Variants in LMOD1 observed in about 807,000 individuals in gnomAD.
LMOD1 encodes leiomodin-1.
Under a neutral mutation model 36.5 loss-of-function variants are expected in LMOD1, and 8 were observed. The observed-to-expected ratio is 0.22, with a 90% CI of 0.13 to 0.40. LMOD1 has a LOEUF of 0.40. LMOD1 is among the 10% of genes least tolerant of loss of function. The probability of loss-of-function intolerance (pLI) is 1.00; values close to 1 mark genes in which losing one functional copy is unlikely to be tolerated. For synonymous variants in LMOD1, 284 were observed against 288.7 expected, an observed-to-expected ratio of 0.98 and a Z score of 0.17; for missense variants, 630 against 751.1, an observed-to-expected ratio of 0.84 and a Z score of 1.88.
intron 1 of LMOD1, among the ~76,000 whole-genome samples, chr1:201,930,621 AG>A (rs1372382316): frequency 6.6e-6 from 1 of 152,218 alleles, no homozygotes; most frequent in Non-Finnish European, 1.5e-5. Context: ...GAGGTGTCCA[AG>A]AGACAACTGA....
intron 1 of LMOD1, among the ~76,000 whole-genome samples, chr1:201,925,885 T>C (rs12063632): frequency 0.21 from 31,601 of 151,644 alleles, 3,742 homozygotes; most frequent in East Asian, 0.43. Flanking sequence ...TTAAATTCTT[T>C]TGGAGAGACT....
chr1:201,934,372 C>G (rs561966844), intron 1 of LMOD1, among the ~76,000 whole-genome samples: 1 of 152,162 alleles, frequency 6.6e-6, no homozygotes, highest in Non-Finnish European at 1.5e-5. Context: ...CACTTATCAA[C>G]CTGGCTGTAT....
chr1:201,931,297 G>A (rs1179691099), intron 1 of LMOD1, among the ~76,000 whole-genome samples: 27 of 152,232 alleles, frequency 1.8e-4, no homozygotes, highest in Non-Finnish European at 2.9e-5. Context: ...CACTTCGGGA[G>A]GCCAAGACAG....
At chr1:201,901,550 A>T (rs1261429303) in intron 1 of LMOD1, among the ~76,000 whole-genome samples, 1 of 48,494 alleles carries the variant, frequency 2.1e-5, no homozygotes, top group East Asian at 6.0e-4. Flanking sequence ...ATATATATAT[A>T]TACATATATA....
chr1:201,942,936 A>G lies in LMOD1; in HGVS notation c.261+3144T>C, dbSNP rs557981836. 3.8e-4 allele frequency among the ~76,000 whole-genome samples: 58 copies of G among 152,348 alleles called. No homozygotes were observed. The South Asian group carries it at 5.6e-3, about 15-fold the overall frequency. ...TAAAAAGTATATCTGCAATGCCATT[A>G]TCACACCTAAAAGAAATTAATAGAA... On this transcript the variant is annotated intron_variant, in intron 1 of 2. Coordinates refer to ENST00000367288, the MANE Select transcript of LMOD1 (RefSeq NM_012134.3).
chr1:201,903,196 C>T (rs368614506), intron 1 of LMOD1, among the ~76,000 whole-genome samples: 4 of 152,346 alleles, frequency 2.6e-5, no homozygotes, highest in Middle Eastern at 6.8e-3. Flanking sequence ...TGTACCTGCA[C>T]CACAAACACA....
At chr1:201,909,328 C>T (rs2102913594) in intron 1 of LMOD1, among the ~76,000 whole-genome samples, 1 of 152,376 alleles carries the variant, frequency 6.6e-6, no homozygotes, top group Middle Eastern at 3.4e-3. Context: ...ATGGCCACCC[C>T]TTCCATCCAG....
chr1:201,929,703 G>C (rs1043942104), intron 1 of LMOD1, among the ~76,000 whole-genome samples: 1 of 152,194 alleles, frequency 6.6e-6, no homozygotes, highest in South Asian at 2.1e-4. Context: ...AACTGCCTTT[G>C]TAAATTCCTC....
chr1:201,921,548 G>A (rs1408243577), intron 1 of LMOD1, among the ~76,000 whole-genome samples: 1 of 150,756 alleles, frequency 6.6e-6, no homozygotes, highest in African/African-American at 2.4e-5. Context: ...AGGCTTGACA[G>A]GTAGGTTTGG....
At chr1:201,943,508 T>C (rs1682154994) in intron 1 of LMOD1, among the ~76,000 whole-genome samples, 1 of 152,196 alleles carries the variant, frequency 6.6e-6, no homozygotes, top group Non-Finnish European at 1.5e-5. Flanking sequence ...CCCAGCACGG[T>C]GCTGTGTCTG....
intron 1 of LMOD1, among the ~76,000 whole-genome samples, chr1:201,910,677 G>A (rs1457437412): frequency 2.0e-5 from 3 of 150,314 alleles, no homozygotes; most frequent in African/African-American, 7.4e-5. Flanking sequence ...TGGGCAGTGT[G>A]CTCAGGGGGA....
intron 1 of LMOD1, among the ~76,000 whole-genome samples, chr1:201,942,082 G>A (rs566735641): frequency 5.3e-5 from 8 of 152,306 alleles, no homozygotes; most frequent in South Asian, 4.1e-4. Flanking sequence ...TGATTAGGGC[G>A]GAGCTACACT....
chr1:201,940,628 CAGG>C (rs1308652595), intron 1 of LMOD1, among the ~76,000 whole-genome samples: 1 of 139,862 alleles, frequency 7.1e-6, no homozygotes, highest in African/African-American at 2.6e-5. Context: ...CTCTGTCAGC[CAGG>C]CTGGAGAGCA....
intron 1 of LMOD1, among the ~76,000 whole-genome samples, chr1:201,928,821 T>G (rs929572615): frequency 6.6e-6 from 1 of 151,742 alleles, no homozygotes; most frequent in Non-Finnish European, 1.5e-5. Flanking sequence ...GTTCAAACAA[T>G]TCTCATGCCT....
chr1:201,909,018 C>T (rs1444773422), intron 1 of LMOD1, among the ~76,000 whole-genome samples: 5 of 152,256 alleles, frequency 3.3e-5, no homozygotes, highest in Non-Finnish European at 5.9e-5. Context: ...CAGCCTCCCA[C>T]ATGCTCAGGG....
chr1:201,910,178 A>C (rs759924342), intron 1 of LMOD1, among the ~76,000 whole-genome samples: 10 of 152,042 alleles, frequency 6.6e-5, no homozygotes, highest in Non-Finnish European at 1.2e-4. Context: ...GGCTTGAGGG[A>C]GGAGCCCTTT....
intron 1 of LMOD1, among the ~76,000 whole-genome samples, chr1:201,920,045 CTTTTTTTTTTTTTT>C (rs576044641): frequency 3.8e-5 from 2 of 52,502 alleles, no homozygotes; most frequent in East Asian, 3.6e-4. Context: ...GGCTCTCTCT[CTTTTTTTTTTTTTT>C]TTTTTTTTTT....
At chr1:201,932,421 TTA>T (rs1336798448) in intron 1 of LMOD1, among the ~76,000 whole-genome samples, 7 of 151,928 alleles carry the variant, frequency 4.6e-5, no homozygotes, top group Non-Finnish European at 8.8e-5. Context: ...GCTGAAAAGG[TTA>T]TACAGCATCT....
chr1:201,945,836 G>A (rs933118784), intron 1 of LMOD1, among the ~76,000 whole-genome samples: 2 of 152,160 alleles, frequency 1.3e-5, no homozygotes, highest in Non-Finnish European at 2.9e-5. Flanking sequence ...CATTCTACTA[G>A]TAGCTCTATT....
Sources: gnomAD v4.1 joint callset for allele counts (sites outside exome capture counted in the v4.1 genomes callset) on GRCh38, gnomAD v4.1.1 for gene constraint, MANE v1.5 for transcripts, NCBI Gene and HGNC (gene_info 2026-07-23, HGNC 2026-07-21) for gene names.